Variants in RIN2 observed in about 807,000 individuals in gnomAD.
RIN2 encodes Ras and Rab interactor 2.
RIN2 carries 36 observed loss-of-function variants against 78.0 expected under a neutral mutation model. That is an observed-to-expected ratio of 0.46 (90% CI 0.35 to 0.61). RIN2 has a LOEUF of 0.61. RIN2 is among the 20% of genes least tolerant of loss of function. The probability of loss-of-function intolerance (pLI) is 0.00; values close to 1 mark genes in which losing one functional copy is unlikely to be tolerated. For synonymous variants in RIN2, 466 were observed against 466.8 expected (o/e 1.00, Z 0.02); for missense variants, 1,087 against 1,159.7 (o/e 0.94, Z 0.91).
chr20:19,971,820 C>T (rs930931768), intron 8 of RIN2, among the ~76,000 whole-genome samples: 1 of 142,678 alleles, frequency 7.0e-6, no homozygotes, highest in Non-Finnish European at 1.5e-5. Context: ...CAGCTCTCTG[C>T]AGCTTCTGCC....
At chr20:19,941,939 C>A (rs549163052) in intron 4 of RIN2, among the ~76,000 whole-genome samples, 138 of 151,832 alleles carry the variant, frequency 9.1e-4, no homozygotes, top group African/African-American at 3.3e-3. Flanking sequence ...ATGGTGAAAC[C>A]CCCTCTCTAG....
rs1027935199 is a variant in RIN2, at chr20:19,805,648, C to T, written c.-37+5901C>T. Among the ~76,000 whole-genome samples, 11 of 152,020 alleles carry T rather than the reference C, an allele frequency of 7.2e-5. No individual in the cohort carries two copies. The East Asian group carries it at 7.7e-4, about 11-fold the overall frequency. On this transcript the variant is annotated intron_variant, in intron 2 of 12. Coordinates refer to ENST00000255006, the MANE Select transcript of RIN2 (RefSeq NM_018993.4). ...AACTCTTGATCTCAGATGATCTGCC[C>T]GCCTTAGCCTCCCAAAGTGCTGGGA...
chr20:19,963,434 A>T (rs2041830461), intron 6 of RIN2, among the ~76,000 whole-genome samples: 1 of 151,850 alleles, frequency 6.6e-6, no homozygotes, highest in South Asian at 2.1e-4. Flanking sequence ...ACATGGAGAA[A>T]CCCCGTCTCT....
At chr20:19,977,112 T>C (rs1365484584) in intron 9 of RIN2, among the ~76,000 whole-genome samples, 1 of 152,002 alleles carries the variant, frequency 6.6e-6, no homozygotes, top group Non-Finnish European at 1.5e-5. Context: ...AGAGACCCGC[T>C]CTCAAGGGAG....
At chr20:19,971,988 C>A (rs1404591239) in intron 8 of RIN2, among the ~76,000 whole-genome samples, 1 of 152,072 alleles carries the variant, frequency 6.6e-6, no homozygotes, top group Non-Finnish European at 1.5e-5. Context: ...GTGATCCACC[C>A]GCTTTGGTAT....
rs113376569 is a variant in RIN2 at position 19,980,167 on chromosome 20, T to C, written c.1762+4380T>C. On this transcript the variant is annotated intron_variant, in intron 9 of 12. Coordinates refer to ENST00000255006, the MANE Select transcript of RIN2 (RefSeq NM_018993.4). The stretch of plus-strand genomic sequence containing the variant: ...ATCTAGTACATGTGACCCTATCGCC[T>C]GAAGGAACAAATGTCCTTGTAGAGT... 5.5e-3 allele frequency among the ~76,000 whole-genome samples: 834 copies of C among 152,044 alleles called. 9 individuals are homozygous for C. Among genetic ancestry groups the C allele is most frequent in the African/African-American group, 0.019 (805 of 41,442 alleles).
chr20:19,995,278 A>C (rs995870079), intron 11 of RIN2, among the ~76,000 whole-genome samples: 1 of 150,930 alleles, frequency 6.6e-6, no homozygotes, highest in Non-Finnish European at 1.5e-5. Context: ...AAAAAAAAAA[A>C]CAAAACACAT....
At chr20:19,911,363 C>T (rs1237914541) in intron 3 of RIN2, among the ~76,000 whole-genome samples, 1 of 152,124 alleles carries the variant, frequency 6.6e-6, no homozygotes, top group African/African-American at 2.4e-5. Flanking sequence ...CCAAATATGT[C>T]AATATTTTAC....
chr20:19,811,254 A>G (rs983072920), intron 2 of RIN2, among the ~76,000 whole-genome samples: 1 of 152,096 alleles, frequency 6.6e-6, no homozygotes, highest in African/African-American at 2.4e-5. Flanking sequence ...ATCAGATGCC[A>G]CCATTGGCAA....
At chr20:19,860,767 G>A (rs940992200) in intron 2 of RIN2, among the ~76,000 whole-genome samples, 1 of 152,102 alleles carries the variant, frequency 6.6e-6, no homozygotes, top group Admixed American at 6.6e-5. Flanking sequence ...TCTTTTAATG[G>A]TTTCTTATTT....
chr20:19,797,298 G>A (rs1453724736), intron 1 of RIN2, among the ~76,000 whole-genome samples: 1 of 152,186 alleles, frequency 6.6e-6, no homozygotes, highest in East Asian at 1.9e-4. Flanking sequence ...CCGTATTTAT[G>A]ATGCAAGAGT....
chr20:19,817,351 G>A (rs942106929), intron 2 of RIN2, among the ~76,000 whole-genome samples: 1 of 152,182 alleles, frequency 6.6e-6, no homozygotes, highest in African/African-American at 2.4e-5. Flanking sequence ...TTCTAGCTGT[G>A]TCCTCACTTG....
intron 3 of RIN2, among the ~76,000 whole-genome samples, chr20:19,905,960 G>A (rs1427670824): frequency 6.6e-6 from 1 of 152,138 alleles, no homozygotes; most frequent in African/African-American, 2.4e-5. Context: ...AATTCTCAAA[G>A]GTAGTCTTGA....
chr20:19,759,306 A>G (rs1280906714), intron 1 of RIN2, among the ~76,000 whole-genome samples: 2 of 152,136 alleles, frequency 1.3e-5, no homozygotes, highest in Non-Finnish European at 2.9e-5. Flanking sequence ...TTTTGGGCAC[A>G]TTGGGGTTTC....
At position 19,889,394 on chromosome 20, in the gene RIN2, G is replaced by T. The variant is rs941755774; in HGVS notation, c.-36-172G>T. ...GTGGGGCAGTCTAGGAACTGCGCTG[G>T]TGGGGACAGGAAATTGGGCTGAAGG... On this transcript the variant is annotated intron_variant, in intron 2 of 12. Coordinates refer to ENST00000255006, the MANE Select transcript of RIN2 (RefSeq NM_018993.4). The T allele has an allele frequency of 5.9e-6, 7 of 1,192,414 alleles. No homozygotes were observed. The Admixed American group carries it at 9.7e-5, about 17-fold the overall frequency. 73.9% of individuals were successfully genotyped at this position (1,192,414 alleles called of 1,614,324 possible).
At chr20:19,886,631 T>G (rs1378258624) in intron 2 of RIN2, 2 of 702,520 alleles carry the variant, frequency 2.8e-6, no homozygotes, top group East Asian at 6.0e-5. Context: ...TTTTTTTTTT[T>G]GCTAGCTTTT....
intron 4 of RIN2, among the ~76,000 whole-genome samples, chr20:19,941,427 T>C (rs534748355): frequency 1.3e-5 from 2 of 152,336 alleles, no homozygotes; most frequent in South Asian, 4.1e-4. Context: ...TCTGTGGCTT[T>C]TTGAACCAGA....
At chr20:19,903,709 A>G (rs542830981) in intron 3 of RIN2, among the ~76,000 whole-genome samples, 11 of 152,356 alleles carry the variant, frequency 7.2e-5, no homozygotes, top group African/African-American at 2.6e-4. Flanking sequence ...AATTCTAACA[A>G]TGCTGATGTT....
At chr20:19,983,259 T>C (rs1276411263) in intron 9 of RIN2, among the ~76,000 whole-genome samples, 1 of 152,226 alleles carries the variant, frequency 6.6e-6, no homozygotes, top group Non-Finnish European at 1.5e-5. Context: ...TGTTTTGCCC[T>C]TTTTGTACCA....
Sources: gnomAD v4.1 joint callset for allele counts (sites outside exome capture counted in the v4.1 genomes callset) on GRCh38, gnomAD v4.1.1 for gene constraint, MANE v1.5 for transcripts, NCBI Gene and HGNC (gene_info 2026-07-23, HGNC 2026-07-21) for gene names.